AP2A1: variants seen among roughly 807,000 people sequenced by gnomAD.
The protein encoded by AP2A1 is adaptor related protein complex 2 subunit alpha 1.
In AP2A1, 21 loss-of-function variants were observed where a neutral mutation model predicts 107.3. The observed-to-expected ratio is 0.20, with a 90% CI of 0.14 to 0.28. The LOEUF (loss-of-function observed/expected upper bound fraction) is 0.28, where lower values mean the gene tolerates loss of function less well. AP2A1 is among the 10% of genes least tolerant of loss of function. The pLI is 1.00. For synonymous variants in AP2A1, 602 were observed against 564.8 expected, an observed-to-expected ratio of 1.07 and a Z score of -0.93; for missense variants, 873 against 1,307.7, an observed-to-expected ratio of 0.67 and a Z score of 5.13.
At chr19:49,802,911 C>T (rs1220257003) in intron 15 of AP2A1, 38 bp from the exon 16 acceptor site, 2 of 1,602,376 alleles carry the variant, frequency 1.2e-6, no homozygotes, top group Admixed American at 3.4e-5. Context: ...CCCTCCCCAC[C>T]AAGTTCCTTC....
At chr19:49,806,642 C>T (rs374611683) in intron 22 of AP2A1, 39 bp from the exon 23 acceptor site, 3 of 1,611,358 alleles carry the variant, frequency 1.9e-6, no homozygotes, top group Non-Finnish European at 2.5e-6. Flanking sequence ...CCTGGGCTCC[C>T]CATCTCCTCT....
At chr19:49,797,934 G>T (rs550755834) in intron 7 of AP2A1, among the ~76,000 whole-genome samples, 1 of 152,122 alleles carries the variant, frequency 6.6e-6, no homozygotes, top group African/African-American at 2.4e-5. Flanking sequence ...ATTTAAATTG[G>T]ATTCTGTCTT....
chr19:49,802,610 G>A, intron 15 of AP2A1: 1 of 1,578,234 alleles, frequency 6.3e-7, no homozygotes, highest in South Asian at 1.1e-5. Context: ...GTAAGGGGTG[G>A]CCTGGGGTGG....
intron 1 of AP2A1, among the ~76,000 whole-genome samples, chr19:49,775,525 G>A (rs977559256): frequency 6.6e-6 from 1 of 152,158 alleles, no homozygotes; most frequent in Non-Finnish European, 1.5e-5. Flanking sequence ...ATGTTGGCCA[G>A]GCTGGTCCCA....
intron 7 of AP2A1, among the ~76,000 whole-genome samples, chr19:49,798,595 C>T (rs1281227043): frequency 6.6e-6 from 1 of 152,106 alleles, no homozygotes; most frequent in Non-Finnish European, 1.5e-5. Flanking sequence ...TCTTGTGTCT[C>T]CAGAGGTGCC....
intron 4 of AP2A1, among the ~76,000 whole-genome samples, chr19:49,786,834 G>T (rs1445516704): frequency 6.6e-6 from 1 of 152,174 alleles, no homozygotes; most frequent in Non-Finnish European, 1.5e-5. Context: ...TGGCCAACAT[G>T]TGTGGGTGCA....
intron 1 of AP2A1, among the ~76,000 whole-genome samples, chr19:49,778,827 TTAAA>T (rs2084643456): frequency 6.6e-6 from 1 of 151,688 alleles, no homozygotes. Context: ...CACATATTCT[TTAAA>T]TATGTGTATA....
rs777854774 is a variant in AP2A1, at chr19:49,790,068, G to A, written c.474-1867G>A. Among the ~76,000 whole-genome samples, 9 of 152,160 alleles carry A rather than the reference G, an allele frequency of 5.9e-5. No homozygotes were observed. In the South Asian group the frequency reaches 6.2e-4, roughly 11 times the overall value. The stretch of plus-strand genomic sequence containing the variant: ...TGTGATGAATTACCACCAGCACAGC[G>A]GTGTCAAACACCGGTTCTGGATGTC... On this transcript the variant is annotated intron_variant, in intron 4 of 22. Transcript: ENST00000354293.
chr19:49,802,219 C>G, intron 15 of AP2A1, 78 bp downstream of exon 15: 1 of 1,182,442 alleles, frequency 8.5e-7, no homozygotes. Flanking sequence ...CCCCGTTTTC[C>G]CTGAGCCCCT....
intron 6 of AP2A1, among the ~76,000 whole-genome samples, chr19:49,793,815 C>T (rs1015073438): frequency 5.9e-5 from 9 of 151,356 alleles, no homozygotes; most frequent in Admixed American, 2.0e-4. Flanking sequence ...AATACACATG[C>T]GCATCTCCTG....
chr19:49,799,900 C>A, intron 10 of AP2A1, 68 bp from the exon 11 acceptor site: 1 of 1,585,184 alleles, frequency 6.3e-7, no homozygotes, highest in Admixed American at 1.7e-5. Context: ...AGTGGTGAGC[C>A]CAGATCCAGG....
At chr19:49,779,241 G>A (rs1259410675) in intron 1 of AP2A1, among the ~76,000 whole-genome samples, 1 of 151,464 alleles carries the variant, frequency 6.6e-6, no homozygotes, top group African/African-American at 2.4e-5. Context: ...GGAGGCTGAG[G>A]CAGGACAATT....
At chr19:49,794,824 A>G (rs2073191539) in intron 6 of AP2A1, among the ~76,000 whole-genome samples, 2 of 152,158 alleles carry the variant, frequency 1.3e-5, no homozygotes, top group South Asian at 2.1e-4. Context: ...CACCACGCCC[A>G]GCTAATTTTT....
At position 49,801,634 on chromosome 19, in the gene AP2A1, T is replaced by TGCCCCCCCCCCCCCCCCCCTGG; in HGVS notation, c.1785+13_1785+14insGCCCCCCCCCCCCCCCCCCTGG. 1 of 1,482,288 alleles carries TGCCCCCCCCCCCCCCCCCCTGG rather than the reference T, an allele frequency of 6.7e-7. No homozygotes were observed. Among genetic ancestry groups the TGCCCCCCCCCCCCCCCCCCTGG allele is most frequent in the Non-Finnish European group, 9.3e-7 (1 of 1,076,948 alleles). The allele number at this position is 1,482,288 out of a possible 1,614,324, so 91.8% of individuals were successfully genotyped here. ...CACCGACGTCCTGGTCAGAGCCCTG[T>TGCCCCCCCCCCCCCCCCCCTGG]CCCCCCACCCCACCCCTCTTGCACA... On this transcript the variant is annotated intron_variant, in intron 13 of 22. Transcript: ENST00000354293.
intron 1 of AP2A1, among the ~76,000 whole-genome samples, chr19:49,771,303 T>TAAAAA (rs902347385): frequency 4.8e-4 from 47 of 97,942 alleles, no homozygotes; most frequent in Admixed American, 7.9e-4. Flanking sequence ...CCTCATCTCT[T>TAAAAA]AAAAAAAAAA....
In AP2A1 at chr19:49,807,042, G is replaced by GGA. The variant is rs756362543; in HGVS notation, c.*284_*285insGA. The GGA allele has an allele frequency of 2.0e-4, 148 of 755,200 alleles. No individual in the cohort carries two copies. The highest frequency in any genetic ancestry group is 2.5e-4 in the Non-Finnish European group (131 of 526,530). 46.8% of individuals were successfully genotyped at this position (755,200 alleles called of 1,614,324 possible). ...TCCTCCCCTCCCACCCCACCCTGTT[G>GGA]TAGCCCCTCCTACCCCCTCCCCATC... On this transcript the variant is annotated 3_prime_UTR_variant, in exon 23 of 23. Transcript: ENST00000354293.
intron 4 of AP2A1, among the ~76,000 whole-genome samples, chr19:49,786,162 G>C (rs1242893264): frequency 2.0e-5 from 3 of 152,180 alleles, no homozygotes; most frequent in Non-Finnish European, 4.4e-5. Context: ...TGGGAGGATT[G>C]CTTGAGCTCA....
At chr19:49,781,107 G>A (rs144822335) in intron 1 of AP2A1, among the ~76,000 whole-genome samples, 21 of 152,254 alleles carry the variant, frequency 1.4e-4, no homozygotes, top group Non-Finnish European at 2.5e-4. Flanking sequence ...TGGCCTGCAG[G>A]ATCAGGGGAG....
intron 12 of AP2A1, 33 bp downstream of exon 12, chr19:49,801,091 A>T (rs747144297): frequency 6.4e-7 from 1 of 1,560,528 alleles, no homozygotes; most frequent in South Asian, 1.2e-5. Context: ...GGGAGAACAC[A>T]CATGCTTCTG....
Sources: gnomAD v4.1 joint callset for allele counts (sites outside exome capture counted in the v4.1 genomes callset) on GRCh38, gnomAD v4.1.1 for gene constraint, MANE v1.5 for transcripts, NCBI Gene and HGNC (gene_info 2026-07-23, HGNC 2026-07-21) for gene names.